ST6GALNAC3: variants seen among roughly 807,000 people sequenced by gnomAD.
The protein encoded by ST6GALNAC3 is alpha-N-acetylgalactosaminide alpha-2,6-sialyltransferase 3.
A neutral mutation model predicts 32.7 loss-of-function variants in ST6GALNAC3; 25 were observed. That is an observed-to-expected ratio of 0.76 (90% CI 0.56 to 1.07). The LOEUF (loss-of-function observed/expected upper bound fraction) is 1.07, where lower values mean the gene tolerates loss of function less well. Among genes scored for constraint, ST6GALNAC3 ranks in the 50% least tolerant of loss-of-function variants. The probability of loss-of-function intolerance (pLI) is 0.00; values close to 1 mark genes in which losing one functional copy is unlikely to be tolerated. For missense variants in ST6GALNAC3, 355 were observed against 382.4 expected (o/e 0.93, Z 0.60); for synonymous variants, 129 against 133.1 (o/e 0.97, Z 0.21).
chr1:76,218,998 G>A (rs1303500766), intron 1 of ST6GALNAC3, among the ~76,000 whole-genome samples: 4 of 152,114 alleles, frequency 2.6e-5, no homozygotes, highest in Non-Finnish European at 5.9e-5. Flanking sequence ...CCCATTTTAT[G>A]GCTAAGGAAA....
chr1:76,106,577 C>T (rs1045296347), intron 1 of ST6GALNAC3, among the ~76,000 whole-genome samples: 2 of 152,040 alleles, frequency 1.3e-5, no homozygotes, highest in African/African-American at 4.8e-5. Context: ...GATGGTGCAC[C>T]CATGCTCCTC....
intron 1 of ST6GALNAC3, among the ~76,000 whole-genome samples, chr1:76,280,549 T>A (rs1036903729): frequency 6.6e-6 from 1 of 152,202 alleles, no homozygotes; most frequent in Non-Finnish European, 1.5e-5. Context: ...TACCTATTGC[T>A]GCCACCAGAG....
intron 2 of ST6GALNAC3, among the ~76,000 whole-genome samples, chr1:76,378,577 G>A (rs1312416681): frequency 6.6e-6 from 1 of 151,768 alleles, no homozygotes; most frequent in Non-Finnish European, 1.5e-5. Context: ...CAGGAGAATT[G>A]CTTGAACCCA....
At chr1:76,426,370 T>A (rs2101411804) in intron 3 of ST6GALNAC3, among the ~76,000 whole-genome samples, 1 of 151,896 alleles carries the variant, frequency 6.6e-6, no homozygotes, top group Middle Eastern at 3.4e-3. Context: ...TGTTAGTTCA[T>A]TATCCTAGGC....
At chr1:76,190,208 T>C (rs932339005) in intron 1 of ST6GALNAC3, among the ~76,000 whole-genome samples, 1 of 152,164 alleles carries the variant, frequency 6.6e-6, no homozygotes, top group Non-Finnish European at 1.5e-5. Flanking sequence ...ATTCAAGGAC[T>C]ATATACTTGT....
intron 1 of ST6GALNAC3, among the ~76,000 whole-genome samples, chr1:76,176,710 A>G (rs1225865619): frequency 1.3e-5 from 2 of 152,204 alleles, no homozygotes; most frequent in African/African-American, 4.8e-5. Flanking sequence ...TTTGCCCTAT[A>G]TAAGAATAAA....
intron 2 of ST6GALNAC3, among the ~76,000 whole-genome samples, chr1:76,408,542 G>A (rs1290655809): frequency 6.6e-6 from 1 of 151,972 alleles, no homozygotes; most frequent in Non-Finnish European, 1.5e-5. Context: ...CTCATAATCT[G>A]CACAGCTGTG....
At chr1:76,408,643 T>C (rs1214297940) in intron 2 of ST6GALNAC3, among the ~76,000 whole-genome samples, 1 of 152,070 alleles carries the variant, frequency 6.6e-6, no homozygotes, top group Non-Finnish European at 1.5e-5. Context: ...AGTGTGCTGG[T>C]CTCACTTAAT....
chr1:76,396,798 A>G (rs544337108), intron 2 of ST6GALNAC3, among the ~76,000 whole-genome samples: 5 of 152,330 alleles, frequency 3.3e-5, no homozygotes, highest in East Asian at 1.9e-4. Flanking sequence ...ATCTGGTCCT[A>G]AAACTGTGTC....
chr1:76,140,064 C>T (rs528740085), intron 1 of ST6GALNAC3, among the ~76,000 whole-genome samples: 1 of 152,236 alleles, frequency 6.6e-6, no homozygotes, highest in African/African-American at 2.4e-5. Flanking sequence ...TGCCTCTCAC[C>T]GTGAAATCTA....
At position 76,428,079 on chromosome 1, in the gene ST6GALNAC3, A is replaced by G. The variant is rs550829992; in HGVS notation, c.623+15662A>G. On this transcript the variant is annotated intron_variant, in intron 3 of 4. Coordinates refer to ENST00000328299, the MANE Select transcript of ST6GALNAC3 (RefSeq NM_152996.4). ...ATTATTGTTATTATTTTCAGGACCT[A>G]CATCCAGCCCCTTGTTGCCATAATC... Among the ~76,000 whole-genome samples, 3 of 152,200 alleles carry G rather than the reference A, an allele frequency of 2.0e-5. No individual in the cohort carries two copies. The East Asian group carries it at 5.8e-4, about 29-fold the overall frequency.
intron 1 of ST6GALNAC3, among the ~76,000 whole-genome samples, chr1:76,270,108 G>A (rs929293091): frequency 5.4e-4 from 82 of 152,238 alleles, no homozygotes; most frequent in African/African-American, 1.8e-3. Flanking sequence ...AAAAAATAAA[G>A]AATTCATAAA....
intron 3 of ST6GALNAC3, among the ~76,000 whole-genome samples, chr1:76,484,075 G>C (rs1571376018): frequency 6.6e-6 from 1 of 152,108 alleles, no homozygotes; most frequent in South Asian, 2.1e-4. Flanking sequence ...TGTTCCATTA[G>C]TCTATATGTC....
chr1:76,140,686 G>A (rs1323470396), intron 1 of ST6GALNAC3, among the ~76,000 whole-genome samples: 2 of 146,094 alleles, frequency 1.4e-5, no homozygotes, highest in Admixed American at 6.9e-5. Flanking sequence ...GTACAGTGGT[G>A]CAATCACAGC....
intron 3 of ST6GALNAC3, among the ~76,000 whole-genome samples, chr1:76,480,460 C>T (rs113721246): frequency 2.0e-5 from 3 of 152,008 alleles, no homozygotes; most frequent in African/African-American, 7.2e-5. Flanking sequence ...TAGGAAAATA[C>T]GATGGAATTT....
chr1:76,456,406 G>A (rs946158381), intron 3 of ST6GALNAC3, among the ~76,000 whole-genome samples: 1 of 151,876 alleles, frequency 6.6e-6, no homozygotes, highest in Non-Finnish European at 1.5e-5. Flanking sequence ...GAGTGCAGTG[G>A]TGCAATCTCG....
At chr1:76,379,186 G>A (rs1248453721) in intron 2 of ST6GALNAC3, among the ~76,000 whole-genome samples, 1 of 152,192 alleles carries the variant, frequency 6.6e-6, no homozygotes, top group Admixed American at 6.5e-5. Flanking sequence ...GTGAGCCACC[G>A]GGCTCGGCCA....
Position 76,628,684 on chromosome 1 carries a change from T to A in ST6GALNAC3, c.796T>A (p.Tyr266Asn), listed in dbSNP as rs553966876. 6.2e-7 allele frequency: 1 copy of A among 1,612,342 alleles called. No individual in the cohort carries two copies. The highest frequency in any genetic ancestry group is 2.2e-5 in the East Asian group (1 of 44,844). The change falls in exon 5 of 5, where the codon TAT (tyrosine) becomes AAT (asparagine). Residue 266 changes from tyrosine (Y) to asparagine (N), a missense_variant. By Grantham distance (143) the Tyr-to-Asn change is moderately radical. Coordinates refer to ENST00000328299, the MANE Select transcript of ST6GALNAC3 (RefSeq NM_152996.4). ...YEQGRDECDE[Y>N]FLHEHAPYGG... ...ACAAGGAAGAGATGAGTGTGATGAA[T>A]ATTTTCTTCATGAACATGCCCCATA... is the stretch of plus-strand genomic sequence containing the variant.
intron 3 of ST6GALNAC3, among the ~76,000 whole-genome samples, chr1:76,565,922 G>A (rs1665528357): frequency 6.6e-6 from 1 of 152,132 alleles, no homozygotes; most frequent in Non-Finnish European, 1.5e-5. Context: ...TTAGTAAAAA[G>A]CCTTTGTTCA....
Sources: allele counts gnomAD v4.1 joint callset (sites outside exome capture counted in the v4.1 genomes callset), GRCh38; gene constraint gnomAD v4.1.1; transcripts MANE v1.5; gene names NCBI Gene and HGNC (gene_info 2026-07-23, HGNC 2026-07-21).